Variants in MED27 observed in about 807,000 individuals in gnomAD.
MED27 encodes mediator of RNA polymerase II transcription subunit 27.
A neutral mutation model predicts 38.2 loss-of-function variants in MED27; 30 were observed. The observed-to-expected ratio is 0.79, with a 90% CI of 0.59 to 1.07. MED27 has a LOEUF of 1.07. Ranked by LOEUF, MED27 falls within the 50% of genes least tolerant of loss-of-function variation. The probability of loss-of-function intolerance (pLI) is 0.00; values close to 1 mark genes in which losing one functional copy is unlikely to be tolerated. For synonymous variants in MED27, 122 were observed against 153.5 expected (o/e 0.79, Z 1.52); for missense variants, 289 against 397.5 (o/e 0.73, Z 2.32).
At chr9:131,923,920 A>G (rs1830438607) in intron 4 of MED27, among the ~76,000 whole-genome samples, 3 of 152,204 alleles carry the variant, frequency 2.0e-5, no homozygotes, top group African/African-American at 7.2e-5. Flanking sequence ...CCTGGCAATC[A>G]CTGCATGTGA....
chr9:131,931,900 A>G (rs1431985421), intron 4 of MED27, among the ~76,000 whole-genome samples: 4 of 152,218 alleles, frequency 2.6e-5, no homozygotes, highest in African/African-American at 9.6e-5. Context: ...CCACAATACA[A>G]TAATTTAACA....
chr9:131,860,815 G>A lies in MED27; in HGVS notation c.802-143C>T, dbSNP rs1227555136. On this transcript the variant is annotated intron_variant, in intron 7 of 7. Coordinates refer to ENST00000292035, the MANE Select transcript of MED27 (RefSeq NM_004269.4). This position sits in a 1 kb window ranked among gnomAD's most constrained non-coding sequence, Gnocchi z 5.8. ...CCCTGTGATTTCACAGGGAGCAGCA[G>A]GCGGAACCCACAAGGTCACCTGACT... 1.1e-6 allele frequency: 1 copy of A among 906,488 alleles called. No homozygotes were observed. Among genetic ancestry groups the A allele is most frequent in the Non-Finnish European group, 1.7e-6 (1 of 598,584 alleles). The allele number at this position is 906,488 out of a possible 1,614,324, so 56.2% of individuals were successfully genotyped here. A position where few individuals can be genotyped will look rare whatever the true frequency, so the allele number is the denominator to read the frequency against.
In MED27 at chr9:132,039,211, A is replaced by C. The variant is rs533517880; in HGVS notation, c.349-24744T>G. ...AGAACACTATTAAGAGATTTGCCGT[A>C]CAGTTTAACTTTATCATCAAACCTG... On this transcript the variant is annotated intron_variant, in intron 2 of 7. Coordinates refer to ENST00000292035, the MANE Select transcript of MED27 (RefSeq NM_004269.4). Among the ~76,000 whole-genome samples, 20 of 152,328 alleles carry C rather than the reference A, an allele frequency of 1.3e-4. No homozygotes were observed. In the South Asian group the frequency reaches 3.9e-3, roughly 30 times the overall value.
At chr9:132,073,549 C>T (rs1040624867) in intron 2 of MED27, 16 of 1,361,346 alleles carry the variant, frequency 1.2e-5, no homozygotes, top group Middle Eastern at 2.7e-4. Context: ...CAATGTAAAA[C>T]GATTCCAACC....
chr9:131,925,756 G>A (rs900887506), intron 4 of MED27, among the ~76,000 whole-genome samples: 6 of 152,178 alleles, frequency 3.9e-5, no homozygotes, highest in Admixed American at 6.5e-5. Context: ...TGATAAACAC[G>A]CCAGGGGACA....
intron 2 of MED27, among the ~76,000 whole-genome samples, chr9:132,058,280 C>T (rs1041518861): frequency 2.0e-5 from 3 of 152,148 alleles, no homozygotes; most frequent in Non-Finnish European, 4.4e-5. Context: ...GAAGATGGTA[C>T]AATTTGGCTG....
chr9:131,987,873 C>T (rs1006135359), intron 3 of MED27, among the ~76,000 whole-genome samples: 1 of 152,206 alleles, frequency 6.6e-6, no homozygotes, highest in African/African-American at 2.4e-5. Context: ...GGATGGCCCC[C>T]GGTTCCTCTC....
In MED27 at chr9:132,014,374, G is replaced by T. The variant is rs1832556814; in HGVS notation, c.442C>A (p.Pro148Thr). 1.2e-6 allele frequency: 2 copies of T among 1,612,996 alleles called. No individual in the cohort carries two copies. The highest frequency in any genetic ancestry group is 1.7e-6 in the Non-Finnish European group (2 of 1,179,962). ...NQMGVSAKRR[P>T]KAQPTTLVLP... ...ACAAGAGTTGTGGGCTGAGCCTTTG[G>T]TCTACGTTTGGCAGATACTCCCATC... is the stretch of plus-strand genomic sequence containing the variant. The change falls in exon 3 of 8, where the codon CCA (proline) becomes ACA (threonine). Residue 148 changes from proline to threonine, a missense_variant. Transcript: ENST00000292035.
At chr9:132,072,526 G>A (rs1833962915) in intron 2 of MED27, among the ~76,000 whole-genome samples, 1 of 152,092 alleles carries the variant, frequency 6.6e-6, no homozygotes, top group Non-Finnish European at 1.5e-5. Context: ...CTGGTTGGCT[G>A]TTCTTTTCAC....
At chr9:131,943,996 G>T in intron 3 of MED27, among the ~76,000 whole-genome samples, 1 of 152,250 alleles carries the variant, frequency 6.6e-6, no homozygotes, top group African/African-American at 2.4e-5. Flanking sequence ...CCTAGCTGCG[G>T]TAAGACTCTC....
chr9:132,010,686 G>C (rs964159977), intron 3 of MED27, among the ~76,000 whole-genome samples: 2 of 152,098 alleles, frequency 1.3e-5, no homozygotes, highest in African/African-American at 4.8e-5. Flanking sequence ...TATACACCAC[G>C]GAATACTATG....
chr9:132,026,045 C>T (rs1832810665), intron 2 of MED27, among the ~76,000 whole-genome samples: 1 of 152,166 alleles, frequency 6.6e-6, no homozygotes, highest in African/African-American at 2.4e-5. Context: ...ACGAGAAGGG[C>T]TACTCCAATG....
chr9:131,907,750 C>T (rs1280737874), intron 4 of MED27, among the ~76,000 whole-genome samples: 1 of 149,830 alleles, frequency 6.7e-6, no homozygotes, highest in Non-Finnish European at 1.5e-5. Flanking sequence ...TCTGCCCGGC[C>T]GCCATCCCAT....
intron 3 of MED27, among the ~76,000 whole-genome samples, chr9:132,007,988 T>G (rs1832394144): frequency 6.6e-6 from 1 of 152,194 alleles, no homozygotes. Flanking sequence ...CAATGTAAGC[T>G]TTCTGAAAAA....
intron 3 of MED27, among the ~76,000 whole-genome samples, chr9:131,950,882 T>C (rs1036590855): frequency 6.6e-5 from 10 of 152,180 alleles, no homozygotes; most frequent in African/African-American, 2.4e-4. Flanking sequence ...GAAATAAAGA[T>C]CCCAGAGTAA....
At position 131,884,038 on chromosome 9, in the gene MED27, A is replaced by T. The variant is rs1438457683; in HGVS notation, c.723+20T>A. ...GTTTTCCTAATGCCGCTTGAGTAAGAAGCAAAAAGTAAAACTTACCTTCTG... is the reference window on the plus strand; with the variant it reads ...GTTTTCCTAATGCCGCTTGAGTAAGTAGCAAAAAGTAAAACTTACCTTCTG... On this transcript the variant is annotated intron_variant, in intron 6 of 7. Coordinates refer to ENST00000292035, the MANE Select transcript of MED27 (RefSeq NM_004269.4). The T allele has an allele frequency of 6.2e-7, 1 of 1,607,814 alleles. No homozygotes were observed. The highest frequency in any genetic ancestry group is 2.2e-5 in the East Asian group (1 of 44,836).
At chr9:131,970,407 C>G (rs1831450546) in intron 3 of MED27, among the ~76,000 whole-genome samples, 2 of 152,336 alleles carry the variant, frequency 1.3e-5, no homozygotes, top group African/African-American at 4.8e-5. Context: ...GGCCAGGAGG[C>G]CGCCCTGGCT....
intron 2 of MED27, among the ~76,000 whole-genome samples, chr9:132,072,028 C>T (rs1055827785): frequency 2.6e-5 from 4 of 151,584 alleles, no homozygotes; most frequent in African/African-American, 4.9e-5. Flanking sequence ...ATGCGCAACA[C>T]GCACCCCGTG....
chr9:131,945,407 G>A (rs1042407433), intron 3 of MED27, among the ~76,000 whole-genome samples: 18 of 151,976 alleles, frequency 1.2e-4, no homozygotes, highest in Non-Finnish European at 2.6e-4. Flanking sequence ...CACATACACT[G>A]CCTCACATAT....
Sources: gnomAD v4.1 joint callset for allele counts (sites outside exome capture counted in the v4.1 genomes callset) on GRCh38, gnomAD v4.1.1 for gene constraint, Gnocchi (gnomAD v3.1) non-coding constraint, MANE v1.5 for transcripts, NCBI Gene and HGNC (gene_info 2026-07-23, HGNC 2026-07-21) for gene names.